The following DNAH8 variants were observed in gnomAD, a reference collection of about 807,000 sequenced individuals.
DNAH8 encodes the protein dynein axonemal heavy chain 8.
A neutral mutation model predicts 562.1 loss-of-function variants in DNAH8; 382 were observed. The observed-to-expected ratio is 0.68, with a 90% CI of 0.63 to 0.74. DNAH8 has a LOEUF of 0.74. DNAH8 is among the 30% of genes least tolerant of loss of function. The pLI is 0.00. For synonymous variants in DNAH8, 1,881 were observed against 1,919.4 expected, an observed-to-expected ratio of 0.98 and a Z score of 0.52; for missense variants, 5,203 against 5,620.4, an observed-to-expected ratio of 0.93 and a Z score of 2.37.
Position 38,852,766 on chromosome 6 carries a change from G to A in DNAH8, c.5539G>A (p.Ala1847Thr). 1 of 1,613,500 alleles carries A rather than the reference G, an allele frequency of 6.2e-7. No homozygotes were observed. Among genetic ancestry groups the A allele is most frequent in the Non-Finnish European group, 8.5e-7 (1 of 1,179,622 alleles). ...TGCAAAAGACTATGATCGCATCATG[G>A]CCGTCATATCAAGAGAAGGAGAAAA... ...FHAKDYDRIM[A>T]VISREGEKIV... The change falls in exon 40 of 93, where the codon GCC becomes ACC. Residue 1847 changes from alanine to threonine, a missense_variant. By Grantham distance (58) the Ala-to-Thr change is moderately conservative. Around this residue, in one of 6 missense-constraint regions of DNAH8, gnomAD observed 2,176 missense variants for 2,365.1 expected, o/e 0.92. Coordinates refer to ENST00000327475, the MANE Select transcript of DNAH8 (RefSeq NM_001206927.2).
At chr6:38,732,973 T>C (rs1763772058) in intron 4 of DNAH8, among the ~76,000 whole-genome samples, 1 of 152,120 alleles carries the variant, frequency 6.6e-6, no homozygotes, top group Admixed American at 6.5e-5. Flanking sequence ...ATTGCACTCT[T>C]GATCTCCCAG....
At chr6:38,923,226 G>C (rs1351874417) in intron 72 of DNAH8, 41 bp downstream of exon 72, 1 of 1,606,188 alleles carries the variant, frequency 6.2e-7, no homozygotes, top group Non-Finnish European at 8.5e-7. Context: ...CTTTCTTTGT[G>C]ACATTAGAGA....
At chr6:38,923,401 A>C (rs1356818513) in intron 72 of DNAH8, 2 of 461,152 alleles carry the variant, frequency 4.3e-6, no homozygotes, top group African/African-American at 4.0e-5. Flanking sequence ...TTTCAGTATG[A>C]GAGTGCTTTT....
intron 88 of DNAH8, among the ~76,000 whole-genome samples, chr6:39,007,608 T>G (rs1208915950): frequency 6.6e-6 from 1 of 152,172 alleles, no homozygotes; most frequent in Non-Finnish European, 1.5e-5. Context: ...TAGGGTGGTG[T>G]TCAGAATCCT....
At chr6:38,854,993 A>C (rs1279795895) in intron 41 of DNAH8, among the ~76,000 whole-genome samples, 2 of 148,712 alleles carry the variant, frequency 1.3e-5, no homozygotes, top group East Asian at 3.9e-4. Context: ...ACAAAGTATT[A>C]TATACATATA....
At chr6:38,895,416 A>G (rs1779610996) in intron 59 of DNAH8, among the ~76,000 whole-genome samples, 1 of 152,202 alleles carries the variant, frequency 6.6e-6, no homozygotes, top group Non-Finnish European at 1.5e-5. Flanking sequence ...CCAGATCATC[A>G]GAGGTGATAA....
chr6:38,866,252 T>G (rs1159526514), intron 45 of DNAH8, among the ~76,000 whole-genome samples: 1 of 152,198 alleles, frequency 6.6e-6, no homozygotes, highest in South Asian at 2.1e-4. Flanking sequence ...TAGACCATAA[T>G]TATCAGGTAT....
At chr6:38,826,011 C>T in intron 28 of DNAH8, 145 bp from the exon 29 acceptor site, 1 of 583,766 alleles carries the variant, frequency 1.7e-6, no homozygotes. Context: ...CCTTATAGCA[C>T]ATGTAATTCA....
Position 38,921,505 on chromosome 6 carries a change from T to C in DNAH8, c.10661T>C (p.Met3554Thr). The change falls in exon 71 of 93, where the codon ATG becomes ACG. Residue 3554 changes from methionine to threonine, a missense_variant and splice_region_variant. This residue lies in a region of DNAH8 where 1,399 missense variants were observed against 1,518.4 expected (regional missense o/e 0.92). Transcript: ENST00000327475. ...AKFDAAMNEK[M>T]DLLNDADTCR... ...TTTGATGCAGCAATGAATGAGAAAA[T>C]GGTGAGATTAAACATAAAAAATCCC... The C allele has an allele frequency of 1.9e-6, 3 of 1,611,856 alleles. No homozygotes were observed. Among genetic ancestry groups the C allele is most frequent in the Non-Finnish European group, 2.5e-6 (3 of 1,179,066 alleles).
chr6:38,756,353 T>A (rs1765904177), intron 10 of DNAH8, among the ~76,000 whole-genome samples: 1 of 152,214 alleles, frequency 6.6e-6, no homozygotes, highest in African/African-American at 2.4e-5. Flanking sequence ...GTTTTGATTC[T>A]ACCCAAGAGA....
intron 15 of DNAH8, 81 bp from the exon 16 acceptor site, chr6:38,781,173 C>A: frequency 1.4e-6 from 2 of 1,459,498 alleles, no homozygotes; most frequent in South Asian, 1.2e-5. Context: ...AATGATAAAA[C>A]AATACAAATA....
Position 38,791,765 on chromosome 6 carries a change from C to A in DNAH8, c.2901+91C>A, listed in dbSNP as rs559641453. On this transcript the variant is annotated intron_variant, in intron 21 of 92. Coordinates refer to ENST00000327475, the MANE Select transcript of DNAH8 (RefSeq NM_001206927.2). Reference sequence around the variant, plus strand: ...TCAGTCTAAAAGTAGAAACCTGGGTCAGTAGCATTTAGACTTTTTTTTTTT... The same window carrying A: ...TCAGTCTAAAAGTAGAAACCTGGGTAAGTAGCATTTAGACTTTTTTTTTTT... The A allele has an allele frequency of 5.9e-4, 801 of 1,351,994 alleles. 12 individuals are homozygous for A. The South Asian group carries it at 0.01, about 18-fold the overall frequency. 83.7% of individuals were successfully genotyped at this position (1,351,994 alleles called of 1,614,324 possible).
chr6:38,752,351 A>G (rs941084320), intron 9 of DNAH8, among the ~76,000 whole-genome samples: 7 of 152,204 alleles, frequency 4.6e-5, no homozygotes, highest in Non-Finnish European at 1.0e-4. Flanking sequence ...TTTAGTAGAG[A>G]CAAGGTTTCG....
chr6:38,780,175 C>A, intron 15 of DNAH8, 110 bp downstream of exon 15: 1 of 1,066,776 alleles, frequency 9.4e-7, no homozygotes, highest in Non-Finnish European at 1.4e-6. Context: ...GATTCTTTCT[C>A]TGCTAAGGAG....
chr6:38,761,352 T>C (rs1033935353), intron 10 of DNAH8, among the ~76,000 whole-genome samples: 2 of 147,508 alleles, frequency 1.4e-5, no homozygotes, highest in African/African-American at 5.0e-5. Context: ...TGAGTGTTGC[T>C]CTTCATTTTT....
At chr6:38,988,285 CCCCCAAATAG>C (rs1554155659) in intron 87 of DNAH8, among the ~76,000 whole-genome samples, 1 of 152,176 alleles carries the variant, frequency 6.6e-6, no homozygotes, top group Non-Finnish European at 1.5e-5. Flanking sequence ...TTTGACTTTG[CCCCCAAATAG>C]CCTCCAAATT....
In DNAH8 at chr6:38,873,188, C is replaced by T. The variant is rs202117645; in HGVS notation, c.7479+41C>T. On this transcript the variant is annotated intron_variant, in intron 51 of 92. Coordinates refer to ENST00000327475, the MANE Select transcript of DNAH8 (RefSeq NM_001206927.2). ...GGGAAGAAGAACCCTCAGAGTCTCT[C>T]CACGTTTCACTTTCTCAATAAACAC... 3.2e-5 allele frequency: 52 copies of T among 1,612,654 alleles called. No homozygotes were observed. In the East Asian group the frequency reaches 1.2e-3, roughly 36 times the overall value.
chr6:39,012,155 A>AT, intron 89 of DNAH8, 60 bp from the exon 90 acceptor site: 1 of 1,229,238 alleles, frequency 8.1e-7, no homozygotes, highest in Non-Finnish European at 1.2e-6. Context: ...AGAAGAGGTT[A>AT]TTGGAAGAGA....
intron 82 of DNAH8, among the ~76,000 whole-genome samples, chr6:38,966,173 A>G (rs989679037): frequency 2.6e-5 from 4 of 152,218 alleles, no homozygotes; most frequent in Non-Finnish European, 5.9e-5. Flanking sequence ...GAGGGGCGTA[A>G]CTACTTACCC....
Sources: allele counts gnomAD v4.1 joint callset (sites outside exome capture counted in the v4.1 genomes callset), GRCh38; gene constraint gnomAD v4.1.1; regional missense constraint gnomAD v4.1.1; transcripts MANE v1.5; gene names NCBI Gene and HGNC (gene_info 2026-07-23, HGNC 2026-07-21).